TERT: variants seen among roughly 807,000 people sequenced by gnomAD.
The protein encoded by TERT is telomerase catalytic subunit.
TERT carries 42 observed loss-of-function variants against 104.0 expected under a neutral mutation model. The observed-to-expected ratio is 0.40, with a 90% CI of 0.32 to 0.52. TERT has a LOEUF of 0.52. Ranked by LOEUF, TERT falls within the 20% of genes least tolerant of loss-of-function variation. The pLI is 0.43. For synonymous variants in TERT, 781 were observed against 725.6 expected (o/e 1.08, Z -1.23); for missense variants, 1,101 against 1,610.3 (o/e 0.68, Z 5.41).
chr5:1,259,454 G>A (rs1259672276), intron 12 of TERT, among the ~76,000 whole-genome samples: 1 of 133,172 alleles, frequency 7.5e-6, no homozygotes, highest in Admixed American at 7.5e-5. Flanking sequence ...GGGAGCGGAC[G>A]CAGATGCCCA....
chr5:1,294,967 C>T lies in TERT; in HGVS notation c.23G>A (p.Arg8Gln), dbSNP rs1379224925. The part of the protein sequence containing the change: MPRAPRC[R>Q]AVRSLLRSHY... ...GCTGCGCAGCAGGGAGCGCACGGCTCGGCAGCGGGGAGCGCGCGGCATCGC... is the reference window on the plus strand; with the variant it reads ...GCTGCGCAGCAGGGAGCGCACGGCTTGGCAGCGGGGAGCGCGCGGCATCGC... Residue 8 changes from arginine to glutamine, a missense_variant, in exon 1 of 16, where the codon CGA becomes CAA. Physicochemically the swap from Arg to Gln is conservative, Grantham distance 43 (BLOSUM62 1). This residue lies in a region of TERT where 87 missense variants were observed against 145.4 expected (regional missense o/e 0.60). Coordinates refer to ENST00000310581, the MANE Select transcript of TERT (RefSeq NM_198253.3). 1.5e-6 allele frequency: 2 copies of T among 1,344,580 alleles called. No homozygotes were observed. Among genetic ancestry groups the T allele is most frequent in the Non-Finnish European group, 1.9e-6 (2 of 1,054,836 alleles). The allele number at this position is 1,344,580 out of a possible 1,614,324, so 83.3% of individuals were successfully genotyped here. A position where few individuals can be genotyped will look rare whatever the true frequency, so the allele number is the denominator to read the frequency against.
rs1343264655 is a variant in TERT, at chr5:1,288,459, G to A, written c.1573+4854C>T. The stretch of plus-strand genomic sequence containing the variant: ...GCGGAGACACCGGCCCTCCACGTGG[G>A]TCTCAGAGCAGGAGACAGACAGAGA... On this transcript the variant is annotated intron_variant, in intron 2 of 15. Coordinates refer to ENST00000310581, the MANE Select transcript of TERT (RefSeq NM_198253.3). This position sits in a 1 kb window ranked among gnomAD's most constrained non-coding sequence, Gnocchi z 5.3. Among the ~76,000 whole-genome samples the A allele has an allele frequency of 3.9e-5, 6 of 152,188 alleles. No individual in the cohort carries two copies.
rs1323794865 is a variant in TERT at position 1,278,724 on chromosome 5, G to T, written c.2203C>A (p.Pro735Thr). 1 of 1,614,174 alleles carries T rather than the reference G, an allele frequency of 6.2e-7. No homozygotes were observed. The highest frequency in any genetic ancestry group is 1.1e-5 in the South Asian group (1 of 91,088). The change falls in exon 6 of 16, where the codon CCC becomes ACC. Residue 735 changes from proline to threonine, a missense_variant. By Grantham distance (38) the Pro-to-Thr change is conservative (BLOSUM62 -1). Transcript: ENST00000310581. ...CGACGCACGCAGTACGTGTTCTGGG[G>T]TTTGATGATGCTGGCGATGACCTCC... is the stretch of plus-strand genomic sequence containing the variant. ...LTEVIASIIK[P>T]QNTYCVRRYA...
chr5:1,278,551 A>C, intron 6 of TERT, 90 bp downstream of exon 6: 1 of 1,571,412 alleles, frequency 6.4e-7, no homozygotes, highest in East Asian at 2.2e-5. Context: ...CCTCCACCAC[A>C]GAAACGCATC....
At chr5:1,258,162 G>T (rs1747888062) in intron 13 of TERT, among the ~76,000 whole-genome samples, 1 of 152,214 alleles carries the variant, frequency 6.6e-6, no homozygotes, top group African/African-American at 2.4e-5. Flanking sequence ...CACCTTCCCG[G>T]GGGTGGGGCC....
rs1748891018 is a variant in TERT at position 1,269,814 on chromosome 5, C to T, written c.2469-1181G>A. 6.6e-6 allele frequency among the ~76,000 whole-genome samples: 1 copy of T among 152,032 alleles called. No individual in the cohort carries two copies. On this transcript the variant is annotated intron_variant, in intron 8 of 15. Transcript: ENST00000310581. This position sits in a 1 kb window ranked among gnomAD's most constrained non-coding sequence, Gnocchi z 9.0. ...CTCTCTCTGTTCTTAGTTTTTGGGG[C>T]AACAGGTTTTGAAGACGTTTTTATT... is the stretch of plus-strand genomic sequence containing the variant.
intron 10 of TERT, 75 bp downstream of exon 10, chr5:1,266,389 G>C: frequency 2.3e-6 from 3 of 1,279,372 alleles, no homozygotes; most frequent in Non-Finnish European, 3.3e-6. Flanking sequence ...CGGTGCCAGG[G>C]GCAGGACACG....
rs1164953484 is a variant in TERT, at chr5:1,265,157, C to T, written c.2655-565G>A. On this transcript the variant is annotated intron_variant, in intron 10 of 15. Coordinates refer to ENST00000310581, the MANE Select transcript of TERT (RefSeq NM_198253.3). The surrounding 1 kb of genome is among the most constrained non-coding windows in gnomAD (Gnocchi z 6.9). ...CTTCACGTCAAGGAGGTTCCCTCGC[C>T]GAGTCATGAGCCTCGCTCACCCAGC... 2.0e-5 allele frequency among the ~76,000 whole-genome samples: 3 copies of T among 152,264 alleles called. No individual in the cohort carries two copies. The highest frequency in any genetic ancestry group is 7.2e-5 in the African/African-American group (3 of 41,544).
In TERT at chr5:1,293,125, A is replaced by T. The variant is rs1310398749; in HGVS notation, c.1573+188T>A. Among the ~76,000 whole-genome samples, 3 of 152,366 alleles carry T rather than the reference A, an allele frequency of 2.0e-5. No individual in the cohort carries two copies. In the East Asian group the frequency reaches 5.8e-4, roughly 29 times the overall value. ...ACGTGAAGGTGAACCTCGTAAGTTT[A>T]TGCAAACTGGACAGGAGGGAGAGCA... is the stretch of plus-strand genomic sequence containing the variant. On this transcript the variant is annotated intron_variant, in intron 2 of 15. Coordinates refer to ENST00000310581, the MANE Select transcript of TERT (RefSeq NM_198253.3).
Position 1,261,615 on chromosome 5 carries a change from C to T in TERT, c.2844-1015G>A, listed in dbSNP as rs1333994485. ...GGGACAGGTCTCGCCATCAGTTTCA[C>T]GTGCGTTTCTTTGAGGGATGGGTCT... On this transcript the variant is annotated intron_variant, in intron 11 of 15. Coordinates refer to ENST00000310581, the MANE Select transcript of TERT (RefSeq NM_198253.3). This position sits in a 1 kb window ranked among gnomAD's most constrained non-coding sequence, Gnocchi z 7.4. Among the ~76,000 whole-genome samples, 1 of 152,214 alleles carries T rather than the reference C, an allele frequency of 6.6e-6. No homozygotes were observed. The highest frequency in any genetic ancestry group is 2.4e-5 in the African/African-American group (1 of 41,452).
intron 4 of TERT, 150 bp downstream of exon 4, chr5:1,280,008 C>G: frequency 9.4e-7 from 1 of 1,061,258 alleles, no homozygotes; most frequent in South Asian, 1.4e-5. Flanking sequence ...CCTCGGCCAC[C>G]TCACTGTGCG....
chr5:1,290,361 A>G (rs377642437), intron 2 of TERT, among the ~76,000 whole-genome samples: 110 of 25,272 alleles, frequency 4.4e-3, no homozygotes, highest in East Asian at 9.4e-3. Context: ...CACTCACCCT[A>G]CACGTGACAG....
intron 9 of TERT, among the ~76,000 whole-genome samples, chr5:1,266,766 A>G (rs529495438): frequency 4.7e-4 from 72 of 152,346 alleles, no homozygotes; most frequent in African/African-American, 1.7e-3. Flanking sequence ...CAGCTTGTGC[A>G]ATTCTGTGCC....
intron 2 of TERT, among the ~76,000 whole-genome samples, chr5:1,289,605 G>A (rs71575530): frequency 7.5e-5 from 7 of 92,754 alleles, no homozygotes; most frequent in African/African-American, 1.9e-4. Context: ...CACTCACCCT[G>A]CACGTGACAG....
At chr5:1,282,335 G>A in intron 3 of TERT, 94 bp downstream of exon 3, 1 of 1,371,994 alleles carries the variant, frequency 7.3e-7, no homozygotes. Context: ...TGCACAGCCA[G>A]GGAAGCACAG....
rs1747714720 is a variant in TERT at position 1,256,170 on chromosome 5, C to T, written c.3033-759G>A. Among the ~76,000 whole-genome samples, 1 of 152,054 alleles carries T rather than the reference C, an allele frequency of 6.6e-6. No individual in the cohort carries two copies. Among genetic ancestry groups the T allele is most frequent in the East Asian group, 1.9e-4 (1 of 5,182 alleles). ...AACTACAGGCGCACACCACCATGCTCAGCTAATTTTTGTTTTTATTTTTCA... is the reference window on the plus strand; with the variant it reads ...AACTACAGGCGCACACCACCATGCTTAGCTAATTTTTGTTTTTATTTTTCA... On this transcript the variant is annotated intron_variant, in intron 13 of 15. Transcript: ENST00000310581. This position sits in a 1 kb window ranked among gnomAD's most constrained non-coding sequence, Gnocchi z 7.0.
chr5:1,267,623 G>C (rs560412835), intron 9 of TERT, among the ~76,000 whole-genome samples: 50 of 152,292 alleles, frequency 3.3e-4, no homozygotes, highest in Non-Finnish European at 6.6e-4. Flanking sequence ...AGAAAATGTG[G>C]CACATATACA....
intron 3 of TERT, among the ~76,000 whole-genome samples, chr5:1,282,058 A>G (rs999967619): frequency 2.0e-5 from 3 of 152,064 alleles, no homozygotes; most frequent in African/African-American, 7.3e-5. Flanking sequence ...ACTGCACTCC[A>G]GCCTGGGCAA....
chr5:1,294,753 G>GCCCTCA lies in TERT; in HGVS notation c.219+17_219+18insTGAGGG. On this transcript the variant is annotated intron_variant, in intron 1 of 15. Transcript: ENST00000310581. Reference sequence around the variant, plus strand: ...CCGCCCTCAACCCCAGCCGGACGCCGACCCCGGGGAGGCCCACCTGGCGGA... The same window carrying GCCCTCA: ...CCGCCCTCAACCCCAGCCGGACGCCGCCCTCAACCCCGGGGAGGCCCACCTGGCGGA... 5 of 1,553,534 alleles carry GCCCTCA rather than the reference G, an allele frequency of 3.2e-6. No individual in the cohort carries two copies. The highest frequency in any genetic ancestry group is 4.3e-6 in the Non-Finnish European group (5 of 1,158,840).
Sources: allele counts gnomAD v4.1 joint callset (sites outside exome capture counted in the v4.1 genomes callset), GRCh38; gene constraint gnomAD v4.1.1; regional missense constraint gnomAD v4.1.1; non-coding constraint Gnocchi (gnomAD v3.1); transcripts MANE v1.5; gene names NCBI Gene and HGNC (gene_info 2026-07-23, HGNC 2026-07-21).